Variants in A4GALT observed in about 807,000 individuals in gnomAD.
A4GALT encodes the protein lactosylceramide 4-alpha-galactosyltransferase.
For missense variants in A4GALT, 512 were observed against 486.0 expected, an observed-to-expected ratio of 1.05 and a Z score of -0.50; for synonymous variants, 257 against 220.7, an observed-to-expected ratio of 1.16 and a Z score of -1.46.
intron 1 of A4GALT, among the ~76,000 whole-genome samples, chr22:42,704,486 T>C: frequency 6.8e-6 from 1 of 146,526 alleles, no homozygotes. Context: ...GACTCTGGAC[T>C]CAAAAAATAA....
intron 1 of A4GALT, among the ~76,000 whole-genome samples, chr22:42,700,083 C>T (rs186580419): frequency 6.6e-6 from 1 of 152,216 alleles, no homozygotes; most frequent in Non-Finnish European, 1.5e-5. Context: ...TGGGCTGCTC[C>T]CGAGGTAGGG....
At chr22:42,694,415 T>C (rs1437355277) in intron 2 of A4GALT, 3 of 196,794 alleles carry the variant, frequency 1.5e-5, no homozygotes, top group East Asian at 2.3e-4. Flanking sequence ...CTCAGCTCCA[T>C]AAACCAGGCC....
At chr22:42,709,067 A>ATTTT (rs71186522) in intron 1 of A4GALT, among the ~76,000 whole-genome samples, 46 of 128,834 alleles carry the variant, frequency 3.6e-4, no homozygotes, top group Middle Eastern at 4.2e-3. Flanking sequence ...ATATATATAT[A>ATTTT]TTTTTTTTAA....
chr22:42,717,052 G>A (rs1187084017), intron 1 of A4GALT, among the ~76,000 whole-genome samples: 1 of 152,148 alleles, frequency 6.6e-6, no homozygotes, highest in Non-Finnish European at 1.5e-5. Context: ...AGGGGAAGGT[G>A]TGTGGGCACA....
At chr22:42,701,251 C>T (rs1931281439) in intron 1 of A4GALT, among the ~76,000 whole-genome samples, 1 of 152,188 alleles carries the variant, frequency 6.6e-6, no homozygotes, top group African/African-American at 2.4e-5. Flanking sequence ...GCCACGTGCC[C>T]ACAAGACAGG....
At chr22:42,699,636 T>C (rs1371431951) in intron 1 of A4GALT, among the ~76,000 whole-genome samples, 1 of 152,190 alleles carries the variant, frequency 6.6e-6, no homozygotes. Flanking sequence ...GAGGGAGATG[T>C]TGAGCTGTGA....
intron 1 of A4GALT, among the ~76,000 whole-genome samples, chr22:42,701,295 A>G (rs902475291): frequency 2.0e-5 from 3 of 152,206 alleles, no homozygotes; most frequent in African/African-American, 7.2e-5. Flanking sequence ...GACAGGGGTA[A>G]CACCAGCACC....
chr22:42,692,658 G>T lies in A4GALT; in HGVS notation c.*232C>A. 1 of 676,000 alleles carries T rather than the reference G, an allele frequency of 1.5e-6. No homozygotes were observed. The highest frequency in any genetic ancestry group is 1.5e-5 in the South Asian group (1 of 66,582). The allele number at this position is 676,000 out of a possible 1,614,324, so 41.9% of individuals were successfully genotyped here. The stretch of plus-strand genomic sequence containing the variant: ...GTCTAGAAGGCCCGGGGCACTCACT[G>T]AGCGCCCTCCGCTGGCTATGGCACC... On this transcript the variant is annotated 3_prime_UTR_variant, in exon 3 of 3. Transcript: ENST00000642412. The surrounding 1 kb of genome is among the most constrained non-coding windows in gnomAD (Gnocchi z 4.6).
At chr22:42,719,352 A>T (rs1342888075) in intron 1 of A4GALT, among the ~76,000 whole-genome samples, 1 of 152,158 alleles carries the variant, frequency 6.6e-6, no homozygotes, top group Admixed American at 6.5e-5. Flanking sequence ...AGTCTCAGCC[A>T]CTAGGGAAGC....
chr22:42,699,621 GCA>G (rs1931167746), intron 1 of A4GALT, among the ~76,000 whole-genome samples: 1 of 152,202 alleles, frequency 6.6e-6, no homozygotes. Context: ...ACGCAGGACT[GCA>G]CAGAGGGAGA....
In A4GALT at chr22:42,692,243, T is replaced by A; in HGVS notation, c.*647A>T. The A allele has an allele frequency of 5.1e-6, 1 of 194,478 alleles. No individual in the cohort carries two copies. The highest frequency in any genetic ancestry group is 1.1e-5 in the Non-Finnish European group (1 of 92,916). The allele number at this position is 194,478 out of a possible 1,614,324, so 12.0% of individuals were successfully genotyped here. Reference sequence around the variant, plus strand: ...AGAGCCTCCCCACCCAGCCCCTGTCTGAGGGAAGGGGCAGAGCATACACGC... The same window carrying A: ...AGAGCCTCCCCACCCAGCCCCTGTCAGAGGGAAGGGGCAGAGCATACACGC... On this transcript the variant is annotated 3_prime_UTR_variant, in exon 3 of 3. Transcript: ENST00000642412. This position sits in a 1 kb window ranked among gnomAD's most constrained non-coding sequence, Gnocchi z 4.6.
At chr22:42,702,554 C>G (rs1324861792) in intron 1 of A4GALT, among the ~76,000 whole-genome samples, 2 of 152,204 alleles carry the variant, frequency 1.3e-5, no homozygotes, top group Non-Finnish European at 2.9e-5. Flanking sequence ...CCAGGATGTT[C>G]TGGAACTCCT....
chr22:42,702,847 G>A (rs1304590611), intron 1 of A4GALT, among the ~76,000 whole-genome samples: 1 of 143,968 alleles, frequency 6.9e-6, no homozygotes, highest in Non-Finnish European at 1.5e-5. Context: ...CCCAAATAAT[G>A]GGGTTGGCAG....
rs758046653 is a variant in A4GALT at position 42,693,973 on chromosome 22, G to A, written c.-22C>T. 7 of 1,558,164 alleles carry A rather than the reference G, an allele frequency of 4.5e-6. No homozygotes were observed. The East Asian group carries it at 1.7e-4, about 37-fold the overall frequency. ...ACATGGTATCCCCAGATCAGACCAGGAGCTTCCAGCAGGAACCGGCTGGTC... is the reference window on the plus strand; with the variant it reads ...ACATGGTATCCCCAGATCAGACCAGAAGCTTCCAGCAGGAACCGGCTGGTC... On this transcript the variant is annotated 5_prime_UTR_variant, in exon 3 of 3. Transcript: ENST00000642412.
rs1296048741 is a variant in A4GALT, at chr22:42,696,121, C to CAAAAAAAAAAAAAAA, written c.-187-505_-187-491dup. On this transcript the variant is annotated intron_variant, in intron 1 of 2. Coordinates refer to ENST00000642412, the MANE Select transcript of A4GALT (RefSeq NM_017436.7). ...TGGGTGACAGAGCCAGACTCTATCT[C>CAAAAAAAAAAAAAAA]AAAAAAAAAAAAAAAAAAGCCAGGC... 1.3e-3 allele frequency among the ~76,000 whole-genome samples: 71 copies of CAAAAAAAAAAAAAAA among 53,874 alleles called. 5 individuals are homozygous for CAAAAAAAAAAAAAAA. Among genetic ancestry groups the CAAAAAAAAAAAAAAA allele is most frequent in the East Asian group, 7.4e-3 (8 of 1,080 alleles). The allele number at this position is 53,874 out of a possible 152,430, so 35.3% of individuals were successfully genotyped here.
In A4GALT at chr22:42,693,446, T is replaced by TAGGGCTCCC. The variant is rs777158954; in HGVS notation, c.497_505dup (p.Trp166_Pro168dup). On this transcript the variant is annotated inframe_insertion, in exon 3 of 3. Coordinates refer to ENST00000642412, the MANE Select transcript of A4GALT (RefSeq NM_017436.7). ...GGCGTCGGAGAGCACGGGCAGCAGG[T>TAGGGCTCCC]AGGGCTCCCAGCGCCCCTGCACGGC... 4.3e-6 allele frequency: 7 copies of TAGGGCTCCC among 1,613,020 alleles called. No homozygotes were observed. Among genetic ancestry groups the TAGGGCTCCC allele is most frequent in the Admixed American group, 3.3e-5 (2 of 59,990 alleles).
intron 1 of A4GALT, among the ~76,000 whole-genome samples, chr22:42,698,026 G>GTA (rs1931055543): frequency 2.0e-5 from 3 of 152,106 alleles, no homozygotes; most frequent in Non-Finnish European, 2.9e-5. Flanking sequence ...TGAGGTGGGC[G>GTA]GATCATGAAG....
intron 1 of A4GALT, among the ~76,000 whole-genome samples, chr22:42,720,366 G>T (rs892117968): frequency 7.0e-6 from 1 of 143,410 alleles, no homozygotes; most frequent in Non-Finnish European, 1.5e-5. Flanking sequence ...CATCCGCTCC[G>T]GGGCGAGCAC....
intron 1 of A4GALT, among the ~76,000 whole-genome samples, chr22:42,714,455 G>A (rs547596240): frequency 6.6e-6 from 1 of 151,668 alleles, no homozygotes; most frequent in African/African-American, 2.4e-5. Flanking sequence ...TGTGCCTGTA[G>A]TCCCAGCTAC....
Sources: gnomAD v4.1 joint callset for allele counts (sites outside exome capture counted in the v4.1 genomes callset) on GRCh38, gnomAD v4.1.1 for gene constraint, Gnocchi (gnomAD v3.1) non-coding constraint, MANE v1.5 for transcripts, NCBI Gene and HGNC (gene_info 2026-07-23, HGNC 2026-07-21) for gene names.